Variants in SLC35F3 observed in about 807,000 individuals in gnomAD.
SLC35F3 encodes the protein solute carrier family 35 member F3.
SLC35F3 carries 25 observed loss-of-function variants against 49.9 expected under a neutral mutation model. The ratio of observed to expected loss-of-function variants is 0.50; its 90% CI spans 0.37 to 0.70. The LOEUF is 0.70. SLC35F3 is among the 30% of genes least tolerant of loss of function. The pLI is 0.00. For synonymous variants in SLC35F3, 275 were observed against 265.4 expected (o/e 1.04, Z -0.35); for missense variants, 525 against 639.8 (o/e 0.82, Z 1.94).
chr1:234,173,133 G>A (rs945203752), intron 2 of SLC35F3, among the ~76,000 whole-genome samples: 1 of 152,204 alleles, frequency 6.6e-6, no homozygotes, highest in Admixed American at 6.5e-5. Context: ...CTGACCAAGG[G>A]GTAGAGTCAT....
intron 3 of SLC35F3, among the ~76,000 whole-genome samples, chr1:234,279,627 C>A (rs776707698): frequency 6.6e-6 from 1 of 152,212 alleles, no homozygotes; most frequent in Middle Eastern, 3.4e-3. Flanking sequence ...TCACTGAAAT[C>A]GTGCAGGGCT....
intron 2 of SLC35F3, among the ~76,000 whole-genome samples, chr1:234,067,157 A>AT (rs71170450): frequency 0.13 from 19,629 of 151,638 alleles, 1,586 homozygotes; most frequent in Non-Finnish European, 0.19. Flanking sequence ...GGCAATTGTG[A>AT]TTTTTTTTTC....
At chr1:233,971,004 T>G (rs941637779) in intron 2 of SLC35F3, among the ~76,000 whole-genome samples, 6 of 152,264 alleles carry the variant, frequency 3.9e-5, no homozygotes, top group Non-Finnish European at 7.3e-5. Flanking sequence ...GTTTTTATCT[T>G]TCTGTATGTG....
chr1:234,164,091 CCT>C (rs1012972251), intron 2 of SLC35F3, among the ~76,000 whole-genome samples: 6 of 150,984 alleles, frequency 4.0e-5, no homozygotes, highest in African/African-American at 7.3e-5. Context: ...TGTCTCTCTC[CCT>C]CTCTCTCTTT....
At chr1:233,974,575 G>A (rs1414940976) in intron 2 of SLC35F3, among the ~76,000 whole-genome samples, 1 of 152,096 alleles carries the variant, frequency 6.6e-6, no homozygotes, top group East Asian at 1.9e-4. Flanking sequence ...TCTCATAGTG[G>A]CCCAGTTAGC....
At chr1:234,037,597 G>T (rs1009413454) in intron 2 of SLC35F3, among the ~76,000 whole-genome samples, 1 of 152,218 alleles carries the variant, frequency 6.6e-6, no homozygotes, top group African/African-American at 2.4e-5. Context: ...TAAATAAGTG[G>T]ATGGATAATA....
chr1:234,300,539 A>G (rs1668676855), intron 3 of SLC35F3, among the ~76,000 whole-genome samples: 1 of 152,246 alleles, frequency 6.6e-6, no homozygotes, highest in Non-Finnish European at 1.5e-5. Flanking sequence ...TATAACAACC[A>G]CACAGAGTGT....
chr1:234,072,877 C>G (rs1443801144), intron 2 of SLC35F3, among the ~76,000 whole-genome samples: 1 of 152,084 alleles, frequency 6.6e-6, no homozygotes, highest in Non-Finnish European at 1.5e-5. Context: ...CCCTGGAAGG[C>G]TTTGATTAGA....
chr1:233,936,520 CTCCTCCTCCTCCTTCT>C (rs1461149696), intron 2 of SLC35F3, among the ~76,000 whole-genome samples: 2,371 of 54,992 alleles, frequency 0.043, 37 homozygotes, highest in Non-Finnish European at 0.09. Flanking sequence ...TCTTGTTCTC[CTCCTCCTCCTCCTTCT>C]TCCTCCTCCT....
chr1:234,210,020 G>A (rs1365617210), intron 2 of SLC35F3, among the ~76,000 whole-genome samples: 1 of 152,102 alleles, frequency 6.6e-6, no homozygotes, highest in African/African-American at 2.4e-5. Flanking sequence ...GTTGTGGGAG[G>A]GACCCACTGG....
At chr1:233,950,622 C>G (rs1182902247) in intron 2 of SLC35F3, among the ~76,000 whole-genome samples, 1 of 151,504 alleles carries the variant, frequency 6.6e-6, no homozygotes, top group African/African-American at 2.4e-5. Flanking sequence ...TCCCTCCACC[C>G]TTTCTCCCTC....
intron 3 of SLC35F3, among the ~76,000 whole-genome samples, chr1:234,279,979 A>C (rs1349407029): frequency 1.3e-5 from 2 of 152,188 alleles, no homozygotes; most frequent in East Asian, 3.8e-4. Flanking sequence ...AAATGATCAC[A>C]CTTGGCAATG....
chr1:234,104,406 A>G (rs146869853), intron 2 of SLC35F3, among the ~76,000 whole-genome samples: 1 of 152,372 alleles, frequency 6.6e-6, no homozygotes, highest in East Asian at 1.9e-4. Context: ...AAGGGAATAG[A>G]GAATGTCTAG....
Position 234,198,833 on chromosome 1 carries a change from C to A in SLC35F3, c.284-32584C>A, listed in dbSNP as rs564405278. On this transcript the variant is annotated intron_variant, in intron 2 of 7. Transcript: ENST00000366618. ...TAATATTAACTGTGGTCACCATTCC[C>A]TGAATAGCCAAAGATATCTTGAGCA... Among the ~76,000 whole-genome samples, 99 of 152,106 alleles carry A rather than the reference C, an allele frequency of 6.5e-4. 1 individual carries two copies. Among genetic ancestry groups the A allele is most frequent in the Non-Finnish European group, 1.3e-3 (87 of 67,988 alleles).
chr1:234,282,000 G>A (rs1037957005), intron 3 of SLC35F3, among the ~76,000 whole-genome samples: 5 of 151,778 alleles, frequency 3.3e-5, no homozygotes, highest in African/African-American at 1.2e-4. Flanking sequence ...TCCAAAGCAC[G>A]CATGTCCCCT....
At chr1:234,240,222 C>T (rs940882581) in intron 3 of SLC35F3, among the ~76,000 whole-genome samples, 1 of 152,194 alleles carries the variant, frequency 6.6e-6, no homozygotes, top group Non-Finnish European at 1.5e-5. Flanking sequence ...GTAATCCCAG[C>T]ATTTTGGGAG....
intron 2 of SLC35F3, among the ~76,000 whole-genome samples, chr1:234,004,893 A>C (rs993816510): frequency 2.6e-5 from 4 of 152,088 alleles, no homozygotes; most frequent in African/African-American, 9.7e-5. Flanking sequence ...CTCACTTGCA[A>C]ATTTGCAACT....
chr1:234,214,712 C>A lies in SLC35F3; in HGVS notation c.284-16705C>A, dbSNP rs1025171070. ...CAGGACGCGGCTCCGCAGTGCAGAGCGCCGCCGCCTGCGTGGGGGGATCTG... is the reference window on the plus strand; with the variant it reads ...CAGGACGCGGCTCCGCAGTGCAGAGAGCCGCCGCCTGCGTGGGGGGATCTG... On this transcript the variant is annotated intron_variant, in intron 2 of 7. Coordinates refer to ENST00000366618, the MANE Select transcript of SLC35F3 (RefSeq NM_173508.4). The surrounding 1 kb of genome is among the most constrained non-coding windows in gnomAD (Gnocchi z 8.0). 6.9e-6 allele frequency: 8 copies of A among 1,159,086 alleles called. No homozygotes were observed. In the South Asian group the frequency reaches 1.4e-4, roughly 21 times the overall value. The allele number at this position is 1,159,086 out of a possible 1,614,324, so 71.8% of individuals were successfully genotyped here.
At chr1:233,996,504 A>C (rs1430551643) in intron 2 of SLC35F3, among the ~76,000 whole-genome samples, 1 of 151,698 alleles carries the variant, frequency 6.6e-6, no homozygotes, top group Non-Finnish European at 1.5e-5. Flanking sequence ...GGTGAGGAAA[A>C]GTGAGCTAAG....
Sources: allele counts gnomAD v4.1 joint callset (sites outside exome capture counted in the v4.1 genomes callset), GRCh38; gene constraint gnomAD v4.1.1; non-coding constraint Gnocchi (gnomAD v3.1); transcripts MANE v1.5; gene names NCBI Gene and HGNC (gene_info 2026-07-23, HGNC 2026-07-21).